TRAPPC9: variants seen among roughly 807,000 people sequenced by gnomAD.
TRAPPC9 encodes IKK2 binding protein.
A neutral mutation model predicts 124.0 loss-of-function variants in TRAPPC9; 83 were observed. The ratio of observed to expected loss-of-function variants is 0.67; its 90% CI spans 0.56 to 0.80. The LOEUF is 0.80. TRAPPC9 is among the 30% of genes least tolerant of loss of function. The pLI is 0.00. For synonymous variants in TRAPPC9, 638 were observed against 617.5 expected, an observed-to-expected ratio of 1.03 and a Z score of -0.49; for missense variants, 1,302 against 1,508.3, an observed-to-expected ratio of 0.86 and a Z score of 2.27.
intron 1 of TRAPPC9, among the ~76,000 whole-genome samples, chr8:140,451,861 C>T (rs906147469): frequency 1.1e-4 from 16 of 152,200 alleles, no homozygotes; most frequent in African/African-American, 3.6e-4. Context: ...TGGCTCATGC[C>T]TGTAATCCTA....
intron 9 of TRAPPC9, among the ~76,000 whole-genome samples, chr8:140,323,886 T>C (rs987195588): frequency 1.5e-4 from 18 of 120,684 alleles, no homozygotes; most frequent in African/African-American, 6.1e-4. Context: ...CAAACTTTTT[T>C]AAAAAATATA....
chr8:140,408,124 A>T (rs2069560781), intron 5 of TRAPPC9, among the ~76,000 whole-genome samples: 1 of 152,218 alleles, frequency 6.6e-6, no homozygotes, highest in African/African-American at 2.4e-5. Flanking sequence ...TGACATCTGT[A>T]AAGTTGTGAC....
intron 17 of TRAPPC9, among the ~76,000 whole-genome samples, chr8:140,174,212 G>A (rs2062018702): frequency 6.6e-6 from 1 of 152,030 alleles, no homozygotes; most frequent in Non-Finnish European, 1.5e-5. Flanking sequence ...AACACACTGA[G>A]GCCTCTTGGA....
chr8:140,037,590 C>T (rs1029693837), intron 17 of TRAPPC9, among the ~76,000 whole-genome samples: 1 of 151,508 alleles, frequency 6.6e-6, no homozygotes, highest in Non-Finnish European at 1.5e-5. Flanking sequence ...CACACATACA[C>T]ACACACACAC....
intron 9 of TRAPPC9, among the ~76,000 whole-genome samples, chr8:140,316,318 G>A (rs1238306048): frequency 6.6e-6 from 1 of 152,044 alleles, no homozygotes; most frequent in African/African-American, 2.4e-5. Flanking sequence ...CTTTTCTTTT[G>A]AGCTATTAAC....
chr8:140,295,709 C>A (rs1175244602), intron 11 of TRAPPC9, among the ~76,000 whole-genome samples: 4 of 152,138 alleles, frequency 2.6e-5, no homozygotes, highest in Non-Finnish European at 5.9e-5. Flanking sequence ...TCTCCAAAAC[C>A]CTATGCCACC....
intron 17 of TRAPPC9, among the ~76,000 whole-genome samples, chr8:140,205,021 G>A (rs527247237): frequency 9.2e-5 from 14 of 152,246 alleles, no homozygotes; most frequent in African/African-American, 1.7e-4. Context: ...AATCATCTAC[G>A]GAGATGTCAG....
intron 19 of TRAPPC9, among the ~76,000 whole-genome samples, chr8:139,937,290 A>G (rs972410671): frequency 6.6e-6 from 1 of 152,216 alleles, no homozygotes; most frequent in African/African-American, 2.4e-5. Context: ...GAAGTAAAGT[A>G]GACACAGATA....
intron 1 of TRAPPC9, among the ~76,000 whole-genome samples, chr8:140,454,455 A>G: frequency 6.6e-6 from 1 of 151,950 alleles, no homozygotes; most frequent in East Asian, 1.9e-4. Flanking sequence ...CCTGACCAAC[A>G]TGGAGAAACC....
chr8:140,086,357 G>A (rs1844184521), intron 17 of TRAPPC9, among the ~76,000 whole-genome samples: 1 of 152,124 alleles, frequency 6.6e-6, no homozygotes, highest in African/African-American at 2.4e-5. Flanking sequence ...AAATGGAAGG[G>A]GAGCAGGTGA....
chr8:140,377,134 A>T (rs2132270745), intron 7 of TRAPPC9, among the ~76,000 whole-genome samples: 2 of 152,328 alleles, frequency 1.3e-5, no homozygotes, highest in Middle Eastern at 6.8e-3. Context: ...ATTCTTGGAT[A>T]ACCTGAAAAA....
chr8:140,133,064 C>T (rs983590113), intron 17 of TRAPPC9, among the ~76,000 whole-genome samples: 1 of 152,092 alleles, frequency 6.6e-6, no homozygotes, highest in Non-Finnish European at 1.5e-5. Flanking sequence ...TTCTGTAAGG[C>T]CAGCAGCATC....
chr8:140,405,434 T>C, intron 6 of TRAPPC9, 143 bp downstream of exon 6: 1 of 831,718 alleles, frequency 1.2e-6, no homozygotes, highest in Non-Finnish European at 1.9e-6. Flanking sequence ...TTTAGGCATA[T>C]AGTACTATGC....
chr8:139,935,238 T>A (rs548580405), intron 19 of TRAPPC9, among the ~76,000 whole-genome samples: 8 of 152,250 alleles, frequency 5.3e-5, no homozygotes, highest in African/African-American at 1.9e-4. Flanking sequence ...ATGTAGTGGC[T>A]GCCAGGGAAG....
rs559890519 is a variant in TRAPPC9, at chr8:139,774,428, G to A, written c.3056-42226C>T. On this transcript the variant is annotated intron_variant, in intron 21 of 22. Coordinates refer to ENST00000438773, the MANE Select transcript of TRAPPC9 (RefSeq NM_001160372.4). ...CGTGCAAGTGTGTGTCTGTGTGTGA[G>A]TGCATGTGTGCACACCCTGGGGCAG... 2.6e-5 allele frequency among the ~76,000 whole-genome samples: 4 copies of A among 152,304 alleles called. No individual in the cohort carries two copies. In the South Asian group the frequency reaches 8.3e-4, roughly 32 times the overall value.
intron 17 of TRAPPC9, among the ~76,000 whole-genome samples, chr8:140,080,381 G>A (rs982978038): frequency 8.5e-5 from 13 of 152,314 alleles, no homozygotes; most frequent in African/African-American, 2.6e-4. Flanking sequence ...TGGGTAATGC[G>A]TAAAGAAAAG....
At chr8:140,091,756 T>C (rs948219505) in intron 17 of TRAPPC9, among the ~76,000 whole-genome samples, 1 of 152,246 alleles carries the variant, frequency 6.6e-6, no homozygotes, top group African/African-American at 2.4e-5. Flanking sequence ...CTGTCCCGCC[T>C]GCTGCGATGA....
intron 21 of TRAPPC9, among the ~76,000 whole-genome samples, chr8:139,827,283 C>T (rs886353662): frequency 1.3e-5 from 2 of 152,184 alleles, no homozygotes; most frequent in Non-Finnish European, 2.9e-5. Context: ...TCTCAGTATC[C>T]GCAGGGCCGA....
intron 9 of TRAPPC9, among the ~76,000 whole-genome samples, chr8:140,352,389 T>C (rs2067613022): frequency 6.6e-6 from 1 of 152,232 alleles, no homozygotes; most frequent in African/African-American, 2.4e-5. Flanking sequence ...TTCGGAAGTT[T>C]AAGATGCTTA....
Sources: allele counts gnomAD v4.1 joint callset (sites outside exome capture counted in the v4.1 genomes callset), GRCh38; gene constraint gnomAD v4.1.1; transcripts MANE v1.5; gene names NCBI Gene and HGNC (gene_info 2026-07-23, HGNC 2026-07-21).